AIFM1: variants seen among roughly 807,000 people sequenced by gnomAD.
AIFM1 encodes the protein apoptosis inducing factor mitochondria associated 1.
AIFM1 carries 3 observed loss-of-function variants against 51.7 expected under a neutral mutation model. That is an observed-to-expected ratio of 0.06 (90% confidence interval 0.03 to 0.15). AIFM1 has a LOEUF of 0.15. Among genes scored for constraint, AIFM1 ranks in the 10% least tolerant of loss-of-function variants. The pLI, the probability that AIFM1 is intolerant of heterozygous loss-of-function variation, is 1.00. For synonymous variants in AIFM1, 178 were observed against 179.4 expected (o/e 0.99, Z 0.06); for missense variants, 330 against 476.8 (o/e 0.69, Z 2.87).
intron 3 of AIFM1, 96 bp downstream of exon 3, chrX:130,149,373 G>T: frequency 1.4e-6 from 1 of 693,245 alleles, no homozygotes; most frequent in Non-Finnish European, 2.3e-6. Flanking sequence ...TACCACCATT[G>T]CTTCTACAAG....
At chrX:130,147,018 C>T in intron 5 of AIFM1, among the ~76,000 whole-genome samples, 1 of 110,977 alleles carries the variant, frequency 9.0e-6, no homozygotes, top group Middle Eastern at 4.7e-3. Flanking sequence ...AAAAATTAGC[C>T]GGGTGTGGTG....
intron 1 of AIFM1, among the ~76,000 whole-genome samples, chrX:130,160,282 T>C (rs1418910347): frequency 8.9e-6 from 1 of 111,813 alleles, no homozygotes; most frequent in East Asian, 2.8e-4. Flanking sequence ...TTTTAGGAAA[T>C]ATTACATCGT....
chrX:130,164,832 C>G (rs1297013718), intron 1 of AIFM1, among the ~76,000 whole-genome samples: 1 of 111,897 alleles, frequency 8.9e-6, no homozygotes, highest in Non-Finnish European at 1.9e-5. Flanking sequence ...AATTTCACCT[C>G]TCTGTGCCTC....
At chrX:130,132,548 CTTTTTT>C (rs1166444028) in intron 13 of AIFM1, among the ~76,000 whole-genome samples, 1 of 111,690 alleles carries the variant, frequency 9.0e-6, no homozygotes, top group Non-Finnish European at 1.9e-5. Context: ...CTCCACTTTT[CTTTTTT>C]TTAACTTTTA....
chrX:130,160,883 A>AAAATAAATAAATAAATAAAT (rs754564979), intron 1 of AIFM1, among the ~76,000 whole-genome samples: 11 of 107,055 alleles, frequency 1.0e-4, no homozygotes, highest in African/African-American at 3.8e-4. Flanking sequence ...TCTCTACTTA[A>AAAATAAATAAATAAATAAAT]AAATAAATAA....
Position 130,136,764 on chromosome X carries a change from T to C in AIFM1, c.1076-33A>G, listed in dbSNP as rs370487813. ...GGCAAACAAGACCTGAGAGTGAGCC[T>C]ACAAGGCTATCACTTTCATGGGAAG... On this transcript the variant is annotated intron_variant, in intron 10 of 15. Transcript: ENST00000287295. 2.0e-5 allele frequency: 23 copies of C among 1,167,765 alleles called. No homozygotes were observed. The African/African-American group carries it at 3.0e-4, about 15-fold the overall frequency.
intron 1 of AIFM1, among the ~76,000 whole-genome samples, chrX:130,163,213 C>A (rs1423038567): frequency 9.4e-6 from 1 of 106,015 alleles, no homozygotes; most frequent in East Asian, 2.9e-4. Context: ...GGGAGGCTGA[C>A]GCAGGAGAAT....
chrX:130,137,899 C>A (rs1290878030), intron 9 of AIFM1: 1 of 270,677 alleles, frequency 3.7e-6, no homozygotes, highest in African/African-American at 3.0e-5. Context: ...CCTGTCTCTA[C>A]CAAAAATACA....
chrX:130,158,019 T>C (rs1365094609), intron 1 of AIFM1, among the ~76,000 whole-genome samples: 3 of 109,663 alleles, frequency 2.7e-5, no homozygotes, highest in Non-Finnish European at 5.7e-5. Context: ...TCCCAGCACT[T>C]TGGAAGGCCG....
chrX:130,147,950 T>A lies in AIFM1; in HGVS notation c.350-74A>T. Reference sequence around the variant, plus strand: ...ATTCTTTGCCACTGTTAAAAAAAAATCACCTTGCACTTGTCTCAATCCTCC... The same window carrying A: ...ATTCTTTGCCACTGTTAAAAAAAAAACACCTTGCACTTGTCTCAATCCTCC... On this transcript the variant is annotated intron_variant, in intron 3 of 15. Transcript: ENST00000287295. 8.6e-6 allele frequency: 10 copies of A among 1,159,806 alleles called. No homozygotes were observed. In the South Asian group the frequency reaches 1.8e-4, roughly 21 times the overall value.
intron 13 of AIFM1, among the ~76,000 whole-genome samples, chrX:130,132,904 G>A (rs1319222830): frequency 9.1e-6 from 1 of 110,135 alleles, no homozygotes; most frequent in Non-Finnish European, 1.9e-5. Flanking sequence ...GCACCACCAC[G>A]TCCAGCTAAT....
At position 130,133,412 on chromosome X, in the gene AIFM1, C is replaced by T. The variant is rs1424829478; in HGVS notation, c.1349G>A (p.Arg450Lys). The change falls in exon 13 of 16, where the codon AGG becomes AAG. Residue 450 changes from arginine to lysine, a missense_variant. Arg to Lys is a conservative substitution (Grantham distance 26). Transcript: ENST00000287295. ...AGCGTGATCATGGTGCTCTACCCGC[C>T]TCCTTCCCAACTTTATATCGTAGAA... ...ACFYDIKLGRRRVEHHDHAVV... is the reference protein window; with the variant it reads ...ACFYDIKLGRKRVEHHDHAVV... The T allele has an allele frequency of 8.3e-7, 1 of 1,208,452 alleles. No homozygotes were observed.
In AIFM1 at chrX:130,146,451, ATGTGTGTGTGTG is replaced by A. The variant is rs60694841; in HGVS notation, c.606-894_606-883del. On this transcript the variant is annotated intron_variant, in intron 5 of 15. Transcript: ENST00000287295. ...AGAGCCAGACCCTGTCTCTCAAAAT[ATGTGTGTGTGTG>A]TGTGTGTGTGTGTGTGTGTGTGTGT... Among the ~76,000 whole-genome samples, 14 of 89,439 alleles carry A rather than the reference ATGTGTGTGTGTG, an allele frequency of 1.6e-4. No individual in the cohort carries two copies. In the South Asian group the frequency reaches 1.8e-3, roughly 11 times the overall value. The allele number at this position is 89,439 out of a possible 115,157, so 77.7% of individuals were successfully genotyped here.
intron 3 of AIFM1, among the ~76,000 whole-genome samples, chrX:130,149,201 C>T (rs1011260091): frequency 7.2e-5 from 8 of 111,474 alleles, no homozygotes; most frequent in African/African-American, 2.3e-4. Context: ...GGATGACAGG[C>T]GTGAGCCACC....
At chrX:130,150,753 C>G (rs149201346) in intron 2 of AIFM1, among the ~76,000 whole-genome samples, 3,020 of 105,459 alleles carry the variant, frequency 0.029, 99 homozygotes, top group African/African-American at 0.094. Context: ...GGTGGGCAGA[C>G]CACCTGAGGT....
At chrX:130,138,204 G>A (rs965381749) in intron 9 of AIFM1, among the ~76,000 whole-genome samples, 3 of 110,731 alleles carry the variant, frequency 2.7e-5, no homozygotes, top group African/African-American at 6.6e-5. Flanking sequence ...GGTGGCTCAC[G>A]CCTGTAATCC....
rs894365881 is a variant in AIFM1 at position 130,136,720 on chromosome X, C to A, written c.1087G>T (p.Val363Leu). The A allele has an allele frequency of 2.5e-6, 3 of 1,207,609 alleles. No homozygotes were observed. The highest frequency in any genetic ancestry group is 3.4e-6 in the Non-Finnish European group (3 of 894,032). ...GATTGCACAATAGCATTGGGCATCA[C>A]CTTAACCCCCTCTGTAAAGGCAAAC... ...MEKVRREGVKVMPNAIVQSVG... is the reference protein window; with the variant it reads ...MEKVRREGVKLMPNAIVQSVG... The change falls in exon 11 of 16, where the codon GTG becomes TTG. Residue 363 changes from valine (V) to leucine (L), a missense_variant. Around this residue, in one of 4 missense-constraint regions of AIFM1, gnomAD observed 152 missense variants for 292.8 expected, o/e 0.52. Transcript: ENST00000287295.
At chrX:130,137,268 G>A (rs1009032083) in intron 9 of AIFM1, 83 bp from the exon 10 acceptor site, 3 of 1,203,700 alleles carry the variant, frequency 2.5e-6, no homozygotes, top group African/African-American at 3.5e-5. Context: ...GGAGCAGCAG[G>A]CAGCCCTCAC....
At chrX:130,150,527 G>A (rs1159174093) in intron 2 of AIFM1, among the ~76,000 whole-genome samples, 26 of 102,616 alleles carry the variant, frequency 2.5e-4, no homozygotes, top group South Asian at 9.1e-4. Flanking sequence ...AGTAGAGACG[G>A]GGTTTCACCG....
Sources: gnomAD v4.1 joint callset for allele counts (sites outside exome capture counted in the v4.1 genomes callset) on GRCh38, gnomAD v4.1.1 for gene constraint, gnomAD v4.1.1 regional missense constraint, MANE v1.5 for transcripts, NCBI Gene and HGNC (gene_info 2026-07-23, HGNC 2026-07-21) for gene names.